Variants in ATP8B3 observed in about 807,000 individuals in gnomAD.
ATP8B3 encodes the protein ATPase phospholipid transporting 8B3, also known as phospholipid-transporting ATPase IK.
A neutral mutation model predicts 140.9 loss-of-function variants in ATP8B3; 141 were observed. The ratio of observed to expected loss-of-function variants is 1.00; its 90% CI spans 0.87 to 1.15. ATP8B3 has a LOEUF of 1.15. ATP8B3 is among the 50% of genes most tolerant of loss of function. ATP8B3 has a pLI of 0.00. For synonymous variants in ATP8B3, 765 were observed against 714.6 expected (o/e 1.07, Z -1.13); for missense variants, 1,874 against 1,740.6 (o/e 1.08, Z -1.36).
chr19:1,784,769 AG>A lies in ATP8B3; in HGVS notation c.3660+49del, dbSNP rs2068248854. ...CTACGCCCTGCACGGCTCCCCAACC[AG>A]GGTCCTGGAATGTACCAGATGAGGA... On this transcript the variant is annotated intron_variant, in intron 28 of 28. Coordinates refer to ENST00000310127, the MANE Select transcript of ATP8B3 (RefSeq NM_138813.4). The A allele has an allele frequency of 2.6e-6, 4 of 1,537,194 alleles. No homozygotes were observed. The Admixed American group carries it at 6.2e-5, about 24-fold the overall frequency.
intron 10 of ATP8B3, 140 bp from the exon 11 acceptor site, chr19:1,802,785 A>T: frequency 9.6e-7 from 1 of 1,038,684 alleles, no homozygotes; most frequent in African/African-American, 1.6e-5. Context: ...GTGCCCCAGC[A>T]CTGGGCTGCC....
Position 1,800,109 on chromosome 19 carries a change from C to G in ATP8B3, c.1390G>C (p.Val464Leu). 1 of 1,564,286 alleles carries G rather than the reference C, an allele frequency of 6.4e-7. No homozygotes were observed. The highest frequency in any genetic ancestry group is 8.7e-7 in the Non-Finnish European group (1 of 1,154,470). The change falls in exon 14 of 29, where the codon GTG (valine) becomes CTG (leucine). Residue 464 changes from valine (V) to leucine (L), a missense_variant. Around this residue, in one of 3 missense-constraint regions of ATP8B3, gnomAD observed 1,032 missense variants for 963.6 expected, o/e 1.07. Coordinates refer to ENST00000310127, the MANE Select transcript of ATP8B3 (RefSeq NM_138813.4). The surrounding 1 kb of genome is among the most constrained non-coding windows in gnomAD (Gnocchi z 4.4). ...LGNSVFIDWD[V>L]QMYYKPQDVP... ...TCCTGCGGCTTGTAGTACATCTGCA[C>G]GTCCCAGTCGATGAAGACGCTGTTC...
chr19:1,808,158 GACAA>G, intron 5 of ATP8B3, 60 bp downstream of exon 5: 1 of 1,351,332 alleles, frequency 7.4e-7, no homozygotes, highest in Non-Finnish European at 1.0e-6. Flanking sequence ...CCATCACACA[GACAA>G]ACACATCGAT....
rs548229473 is a variant in ATP8B3 at position 1,806,006 on chromosome 19, T to G, written c.751-48A>C. The G allele has an allele frequency of 3.7e-6, 6 of 1,607,810 alleles. No individual in the cohort carries two copies. Among genetic ancestry groups the G allele is most frequent in the Non-Finnish European group, 5.1e-6 (6 of 1,178,066 alleles). On this transcript the variant is annotated intron_variant, in intron 8 of 28. Transcript: ENST00000310127. This position sits in a 1 kb window ranked among gnomAD's most constrained non-coding sequence, Gnocchi z 5.6. ...GTTGCAAGAGGGGATGCAAGACAAATTGGGGGTGCGGCAGCCCTCCCCACC... is the reference window on the plus strand; with the variant it reads ...GTTGCAAGAGGGGATGCAAGACAAAGTGGGGGTGCGGCAGCCCTCCCCACC...
At chr19:1,785,353 C>G in intron 26 of ATP8B3, 56 bp from the exon 27 acceptor site, 1 of 1,552,534 alleles carries the variant, frequency 6.4e-7, no homozygotes, top group Non-Finnish European at 8.7e-7. Flanking sequence ...CACCAGGACA[C>G]CAGCCCCTGG....
intron 4 of ATP8B3, among the ~76,000 whole-genome samples, chr19:1,808,652 T>C (rs1234164807): frequency 6.6e-6 from 1 of 152,246 alleles, no homozygotes. Flanking sequence ...GGAGCCAGCA[T>C]TAATCAAGCT....
chr19:1,800,620 G>T lies in ATP8B3; in HGVS notation c.1153-171C>A, dbSNP rs1449105554. ...GGATGGCTTGACGTCAGGAGTTCAA[G>T]ACCAGCCTGGGCGACAAAGTGAGAC... On this transcript the variant is annotated intron_variant, in intron 12 of 28. Coordinates refer to ENST00000310127, the MANE Select transcript of ATP8B3 (RefSeq NM_138813.4). The surrounding 1 kb of genome is among the most constrained non-coding windows in gnomAD (Gnocchi z 4.4). Among the ~76,000 whole-genome samples the T allele has an allele frequency of 1.3e-5, 2 of 152,094 alleles. No homozygotes were observed. Among genetic ancestry groups the T allele is most frequent in the Non-Finnish European group, 2.9e-5 (2 of 68,024 alleles).
chr19:1,790,021 AG>A (rs757623872), intron 21 of ATP8B3, 32 bp from the exon 22 acceptor site: 1 of 996,250 alleles, frequency 1.0e-6, no homozygotes, highest in Non-Finnish European at 1.6e-6. Flanking sequence ...GGGGCAGGGG[AG>A]GGGGCGGGCT....
intron 24 of ATP8B3, among the ~76,000 whole-genome samples, chr19:1,788,327 GGTCCATGTGC>G (rs2068371483): frequency 6.6e-6 from 1 of 152,200 alleles, no homozygotes; most frequent in African/African-American, 2.4e-5. Context: ...CAGAAGAGGA[GGTCCATGTGC>G]AGTGCCTGCC....
At chr19:1,808,535 A>T in intron 4 of ATP8B3, among the ~76,000 whole-genome samples, 200 bp from the exon 5 acceptor site, 1 of 149,902 alleles carries the variant, frequency 6.7e-6, no homozygotes, top group Admixed American at 6.6e-5. Flanking sequence ...GCATTTACTG[A>T]GCACCTGCTG....
In ATP8B3 at chr19:1,807,127, C is replaced by T. The variant is rs1189728825; in HGVS notation, c.615+41G>A. 1 of 1,567,524 alleles carries T rather than the reference C, an allele frequency of 6.4e-7. No individual in the cohort carries two copies. Among genetic ancestry groups the T allele is most frequent in the Admixed American group, 1.7e-5 (1 of 59,906 alleles). ...GGATCAAGAGACCCCCCCGACCGGC[C>T]CCGCTCCCTCCCCCAGGCAGCTGCA... On this transcript the variant is annotated intron_variant, in intron 6 of 28. Coordinates refer to ENST00000310127, the MANE Select transcript of ATP8B3 (RefSeq NM_138813.4). The surrounding 1 kb of genome is among the most constrained non-coding windows in gnomAD (Gnocchi z 5.9).
chr19:1,785,247 G>A lies in ATP8B3; in HGVS notation c.3444C>T (p.Leu1148=), dbSNP rs775495020. The A allele has an allele frequency of 6.2e-7, 1 of 1,609,938 alleles. No individual in the cohort carries two copies. The highest frequency in any genetic ancestry group is 1.3e-5 in the African/African-American group (1 of 74,986). Residue 1148 remains leucine, a synonymous_variant, in exon 27 of 29, where the codon CTC becomes CTT. Coordinates refer to ENST00000310127, the MANE Select transcript of ATP8B3 (RefSeq NM_138813.4). ...YWTALCVATI[L]LSLGFYAIMT... ...TGATGGCGTAGAAACCAAGGCTGAG[G>A]AGGATGGTCGCCACGCACAGGGCGG...
intron 27 of ATP8B3, 85 bp from the exon 28 acceptor site, chr19:1,785,031 C>T: frequency 6.6e-7 from 1 of 1,518,568 alleles, no homozygotes; most frequent in Non-Finnish European, 8.8e-7. Flanking sequence ...TGCCTTTGTG[C>T]CTGGTCCATA....
Position 1,802,445 on chromosome 19 carries a change from C to A in ATP8B3, c.1063+42G>T, listed in dbSNP as rs202043571. 1.6e-4 allele frequency: 250 copies of A among 1,531,734 alleles called. 1 individual carries two copies. Among genetic ancestry groups the A allele is most frequent in the Non-Finnish European group, 1.8e-4 (209 of 1,136,688 alleles). The allele number at this position is 1,531,734 out of a possible 1,614,324, so 94.9% of individuals were successfully genotyped here. ...TCCCCACATCCATCTACCACGCTCC[C>A]ATCAGTACAGCTCCCACTCCAGGAC... On this transcript the variant is annotated intron_variant, in intron 11 of 28. Coordinates refer to ENST00000310127, the MANE Select transcript of ATP8B3 (RefSeq NM_138813.4).
At chr19:1,810,428 A>C (rs1717638532) in intron 3 of ATP8B3, among the ~76,000 whole-genome samples, 194 bp downstream of exon 3, 1 of 152,040 alleles carries the variant, frequency 6.6e-6, no homozygotes, top group African/African-American at 2.4e-5. Flanking sequence ...CACCACGCCC[A>C]GCTAATCTTC....
Position 1,800,765 on chromosome 19 carries a change from A to G in ATP8B3, c.1153-316T>C, listed in dbSNP as rs1266692339. The stretch of plus-strand genomic sequence containing the variant: ...CTTGAGCCCAGGAGGCTGCAGTGAG[A>G]TATCATGGCGCCACTGCACTCCATC... On this transcript the variant is annotated intron_variant, in intron 12 of 28. Transcript: ENST00000310127. The surrounding 1 kb of genome is among the most constrained non-coding windows in gnomAD (Gnocchi z 4.4). Among the ~76,000 whole-genome samples, 1 of 151,980 alleles carries G rather than the reference A, an allele frequency of 6.6e-6. No homozygotes were observed. The highest frequency in any genetic ancestry group is 1.5e-5 in the Non-Finnish European group (1 of 67,992).
chr19:1,788,094 G>A (rs1338819236), intron 24 of ATP8B3, among the ~76,000 whole-genome samples: 3 of 152,052 alleles, frequency 2.0e-5, no homozygotes. Context: ...CTTACTAAGG[G>A]GTTTCTGTAA....
chr19:1,797,925 C>T (rs1037791325), intron 14 of ATP8B3, among the ~76,000 whole-genome samples: 1 of 152,076 alleles, frequency 6.6e-6, no homozygotes, highest in African/African-American at 2.4e-5. Flanking sequence ...CCTCTTCAGC[C>T]TTCCAAGTTG....
chr19:1,800,355 C>A lies in ATP8B3; in HGVS notation c.1247G>T (p.Gly416Val). 6.2e-7 allele frequency: 1 copy of A among 1,612,658 alleles called. No homozygotes were observed. The highest frequency in any genetic ancestry group is 1.1e-5 in the South Asian group (1 of 91,028). Residue 416 changes from glycine to valine, a missense_variant, in exon 13 of 29, where the codon GGG becomes GTG. By Grantham distance (109) the Gly-to-Val change is moderately radical. This residue lies in a region of ATP8B3 where 1,032 missense variants were observed against 963.6 expected (regional missense o/e 1.07). Coordinates refer to ENST00000310127, the MANE Select transcript of ATP8B3 (RefSeq NM_138813.4). This position sits in a 1 kb window ranked among gnomAD's most constrained non-coding sequence, Gnocchi z 4.4. ...TGCGGCCACGCTGCTCCCATGCACC[C>A]CCGAGAGGTAGTAGTGGTGGTCTTT... is the stretch of plus-strand genomic sequence containing the variant. ...EFKDHHYYLS[G>V]VHGSSVAAES...
Sources: gnomAD v4.1 joint callset for allele counts (sites outside exome capture counted in the v4.1 genomes callset) on GRCh38, gnomAD v4.1.1 for gene constraint, gnomAD v4.1.1 regional missense constraint, Gnocchi (gnomAD v3.1) non-coding constraint, MANE v1.5 for transcripts, NCBI Gene and HGNC (gene_info 2026-07-23, HGNC 2026-07-21) for gene names.